ZNF536: variants seen among roughly 807,000 people sequenced by gnomAD.
ZNF536 encodes zinc finger protein 536.
ZNF536 carries 13 observed loss-of-function variants against 84.5 expected under a neutral mutation model. The observed-to-expected ratio is 0.15, with a 90% CI of 0.10 to 0.24. ZNF536 has a LOEUF of 0.24. Among genes scored for constraint, ZNF536 ranks in the 10% least tolerant of loss-of-function variants. The probability of loss-of-function intolerance (pLI) is 1.00; values close to 1 mark genes in which losing one functional copy is unlikely to be tolerated. For synonymous variants in ZNF536, 811 were observed against 742.5 expected (o/e 1.09, Z -1.50); for missense variants, 1,536 against 1,747.5 (o/e 0.88, Z 2.16).
downstream of ZNF536, among the ~76,000 whole-genome samples, chr19:30,559,269 A>G (rs1045585373): frequency 4.6e-5 from 7 of 152,200 alleles, no homozygotes; most frequent in African/African-American, 1.7e-4. Flanking sequence ...TTCCTTTGGA[A>G]ACTGTGATGG....
rs150158078 is a variant in ZNF536 at position 30,274,817 on chromosome 19, A to C, written c.-189-9255A>C. Reference sequence around the variant, plus strand: ...ACCTCTGGTAGCACAGGTGGAACAGAAAACAACTCTCCAGTTTCCAGTTAT... The same window carrying C: ...ACCTCTGGTAGCACAGGTGGAACAGCAAACAACTCTCCAGTTTCCAGTTAT... On this transcript the variant is annotated intron_variant, in intron 1 of 5. Transcript: ENST00000585628. 5.9e-3 allele frequency among the ~76,000 whole-genome samples: 899 copies of C among 152,358 alleles called. 4 individuals are homozygous for C. The highest frequency in any genetic ancestry group is 0.02 in the Middle Eastern group (6 of 294).
intron 2 of ZNF536, among the ~76,000 whole-genome samples, chr19:30,455,227 A>T (rs763650087): frequency 6.6e-6 from 1 of 152,226 alleles, no homozygotes; most frequent in Non-Finnish European, 1.5e-5. Flanking sequence ...AAAAAATTAA[A>T]TGTGTATGCC....
chr19:30,624,482 T>C (rs886993224), intron 1 of ZNF536, among the ~76,000 whole-genome samples: 1 of 152,168 alleles, frequency 6.6e-6, no homozygotes, highest in Non-Finnish European at 1.5e-5. Context: ...AGTAACACTT[T>C]TATGATCATG....
Position 30,464,640 on chromosome 19 carries a change from G to C in ZNF536, c.2170+18908G>C, listed in dbSNP as rs763497688. ...TGCAGCCAGGTGCATTGGGGTCAAT[G>C]GTCCTTTTTTGGTTAGTGGTTGATG... On this transcript the variant is annotated intron_variant, in intron 2 of 4. Transcript: ENST00000355537. Among the ~76,000 whole-genome samples the C allele has an allele frequency of 2.0e-5, 3 of 151,820 alleles. No homozygotes were observed. The South Asian group carries it at 6.3e-4, about 32-fold the overall frequency.
chr19:30,485,082 T>C (rs1436490302), intron 2 of ZNF536, among the ~76,000 whole-genome samples: 1 of 151,920 alleles, frequency 6.6e-6, no homozygotes, highest in Admixed American at 6.6e-5. Flanking sequence ...AGGCAGAGCT[T>C]TCAGTGAGCA....
intron 3 of ZNF536, among the ~76,000 whole-genome samples, chr19:30,364,354 CA>C (rs2048361136): frequency 1.3e-5 from 2 of 152,014 alleles, no homozygotes; most frequent in South Asian, 4.2e-4. Flanking sequence ...AGGGAGACCC[CA>C]TCTCTACAAA....
intron 1 of ZNF536, among the ~76,000 whole-genome samples, chr19:30,427,690 T>C (rs2051275631): frequency 6.6e-6 from 1 of 152,130 alleles, no homozygotes; most frequent in South Asian, 2.1e-4. Context: ...TCAGGCATAC[T>C]AGCTTTCCAG....
At chr19:30,354,540 G>A (rs1441766808) in intron 3 of ZNF536, among the ~76,000 whole-genome samples, 1 of 152,092 alleles carries the variant, frequency 6.6e-6, no homozygotes, top group African/African-American at 2.4e-5. Context: ...ATCATGGCAT[G>A]CATTTTAAAA....
chr19:30,328,652 G>T (rs1223478840), intron 2 of ZNF536, among the ~76,000 whole-genome samples: 1 of 152,226 alleles, frequency 6.6e-6, no homozygotes, highest in Non-Finnish European at 1.5e-5. Context: ...AGAAATGAAG[G>T]TCTGATGTGA....
chr19:30,655,967 A>C (rs543195494), intron 1 of ZNF536, among the ~76,000 whole-genome samples: 36 of 152,202 alleles, frequency 2.4e-4, no homozygotes, highest in Admixed American at 2.0e-3. Flanking sequence ...TGAGCCCAGG[A>C]GTTTGAGGCT....
At chr19:30,491,392 A>T (rs541394340) in intron 2 of ZNF536, among the ~76,000 whole-genome samples, 1 of 152,192 alleles carries the variant, frequency 6.6e-6, no homozygotes, top group South Asian at 2.1e-4. Context: ...TCTGCAGCCA[A>T]TGACACCACA....
At chr19:30,413,356 G>C (rs550871571) in intron 1 of ZNF536, among the ~76,000 whole-genome samples, 2 of 152,134 alleles carry the variant, frequency 1.3e-5, no homozygotes, top group South Asian at 4.2e-4. Context: ...TTACATTAAA[G>C]GTTATAAAGT....
At chr19:30,371,985 AC>A (rs535411071), upstream of ZNF536, among the ~76,000 whole-genome samples, 18 of 152,252 alleles carry the variant, frequency 1.2e-4, no homozygotes, top group African/African-American at 4.3e-4. Flanking sequence ...TAATTTCAGC[AC>A]CAAGGCTTGG....
chr19:30,697,425 T>C (rs1239195583), intron 1 of ZNF536, among the ~76,000 whole-genome samples: 1 of 152,218 alleles, frequency 6.6e-6, no homozygotes, highest in Non-Finnish European at 1.5e-5. Context: ...GGGCACGTAG[T>C]AGGTGGAGTA....
At chr19:30,360,668 G>A (rs1388955982) in intron 3 of ZNF536, among the ~76,000 whole-genome samples, 1 of 152,224 alleles carries the variant, frequency 6.6e-6, no homozygotes, top group Non-Finnish European at 1.5e-5. Context: ...GAGGGAAGGC[G>A]TTTGCTGAAA....
intron 1 of ZNF536, among the ~76,000 whole-genome samples, chr19:30,603,953 G>C (rs1202771776): frequency 6.6e-6 from 1 of 152,188 alleles, no homozygotes; most frequent in African/African-American, 2.4e-5. Context: ...AGCCAGGCGT[G>C]GTGGCACACA....
intron 2 of ZNF536, among the ~76,000 whole-genome samples, chr19:30,475,644 A>G (rs1243159188): frequency 6.6e-6 from 1 of 152,168 alleles, no homozygotes. Context: ...TCTCTGGGGT[A>G]GGCATGAAGA....
chr19:30,649,717 C>T (rs541907186), intron 1 of ZNF536, among the ~76,000 whole-genome samples: 58 of 152,042 alleles, frequency 3.8e-4, no homozygotes, highest in Non-Finnish European at 6.5e-4. Context: ...TTTTGAAGCC[C>T]GAGAGTCATC....
At chr19:30,578,654 A>G (rs926312544) in intron 1 of ZNF536, among the ~76,000 whole-genome samples, 3 of 152,252 alleles carry the variant, frequency 2.0e-5, no homozygotes, top group African/African-American at 7.2e-5. Flanking sequence ...ACTCACGTGC[A>G]TCTTTTGAGC....
Sources: gnomAD v4.1 joint callset for allele counts (sites outside exome capture counted in the v4.1 genomes callset) on GRCh38, gnomAD v4.1.1 for gene constraint, MANE v1.5 for transcripts, NCBI Gene and HGNC (gene_info 2026-07-23, HGNC 2026-07-21) for gene names.